Variants in IRF9 observed in about 807,000 individuals in gnomAD.
IRF9 encodes the protein interferon regulatory factor 9.
Under a neutral mutation model 44.1 loss-of-function variants are expected in IRF9, and 13 were observed. The ratio of observed to expected loss-of-function variants is 0.29; its 90% CI spans 0.19 to 0.47. The LOEUF is 0.47. Ranked by LOEUF, IRF9 falls within the 20% of genes least tolerant of loss-of-function variation. IRF9 has a pLI of 1.00. For missense variants in IRF9, 373 were observed against 496.1 expected, an observed-to-expected ratio of 0.75 and a Z score of 2.36; for synonymous variants, 189 against 188.5, an observed-to-expected ratio of 1.00 and a Z score of -0.02.
In IRF9 at chr14:24,163,492, A is replaced by G; in HGVS notation, c.479A>G (p.Gln160Arg). The G allele has an allele frequency of 6.2e-7, 1 of 1,614,184 alleles. No homozygotes were observed. Among genetic ancestry groups the G allele is most frequent in the Non-Finnish European group, 8.5e-7 (1 of 1,180,000 alleles). ...QNCTLSPSVL[Q>R]DSLNNEEEGA... is the part of the protein sequence containing the mutation. ...TGCACACTCAGTCCCTCTGTGCTCC[A>G]GGACTCCCTCAATAATGTAAGAGAT... Residue 160 changes from glutamine to arginine, a missense_variant, in exon 4 of 9, where the codon CAG (glutamine) becomes CGG (arginine). Around this residue, in one of 2 missense-constraint regions of IRF9, gnomAD observed 227 missense variants for 255.3 expected, o/e 0.89. Coordinates refer to ENST00000396864, the MANE Select transcript of IRF9 (RefSeq NM_006084.5).
At position 24,162,316 on chromosome 14, in the gene IRF9, T is replaced by G; in HGVS notation, c.172T>G (p.Phe58Val). 2 of 1,613,642 alleles carry G rather than the reference T, an allele frequency of 1.2e-6. No individual in the cohort carries two copies. The highest frequency in any genetic ancestry group is 8.5e-7 in the Non-Finnish European group (1 of 1,179,692). Residue 58 changes from phenylalanine (F) to valine (V), a missense_variant, in exon 2 of 9, where the codon TTC becomes GTC. Phe to Val is a conservative substitution (Grantham distance 50). Transcript: ENST00000396864. ...CTTCCGGGAGGACCAGGATGCTGCC[T>G]TCTTCAAGGTGAAAGGGCCTGGAAA... ...QDFREDQDAA[F>V]FKAWAIFKGK...
Position 24,164,216 on chromosome 14 carries a change from G to C in IRF9, c.649+82G>C. 8.3e-7 allele frequency: 1 copy of C among 1,199,088 alleles called. No homozygotes were observed. Among genetic ancestry groups the C allele is most frequent in the South Asian group, 1.2e-5 (1 of 81,222 alleles). 74.3% of individuals were successfully genotyped at this position (1,199,088 alleles called of 1,614,324 possible). ...TGACTATGCATGCATTATCTAGTCA[G>C]TCAGGGCTTACAGCAAACTGTACCC... On this transcript the variant is annotated intron_variant, in intron 6 of 8. Coordinates refer to ENST00000396864, the MANE Select transcript of IRF9 (RefSeq NM_006084.5). This position sits in a 1 kb window ranked among gnomAD's most constrained non-coding sequence, Gnocchi z 5.2.
intron 5 of IRF9, 27 bp downstream of exon 5, chr14:24,163,986 G>A (rs781318399): frequency 3.4e-5 from 55 of 1,608,540 alleles, no homozygotes; most frequent in East Asian, 4.5e-5. Flanking sequence ...CTCTTGTGTC[G>A]TCCCCCATGC....
Position 24,163,404 on chromosome 14 carries a change from T to G in IRF9, c.391T>G (p.Ser131Ala). The G allele has an allele frequency of 6.2e-7, 1 of 1,614,054 alleles. No individual in the cohort carries two copies. The change falls in exon 4 of 9, where the codon TCA becomes GCA. Residue 131 changes from serine to alanine, a missense_variant. This residue lies in a region of IRF9 where 227 missense variants were observed against 255.3 expected (regional missense o/e 0.89). Coordinates refer to ENST00000396864, the MANE Select transcript of IRF9 (RefSeq NM_006084.5). ...SGQPGTQKVP[S>A]KRQHSSVSSE... is the part of the protein sequence containing the mutation. ...CCAGCCAGGGACTCAGAAAGTACCA[T>G]CAAAGCGACAGCACAGTTCTGTGTC...
In IRF9 at chr14:24,166,256, A is replaced by G; in HGVS notation, c.*60A>G. 1 of 1,411,598 alleles carries G rather than the reference A, an allele frequency of 7.1e-7. No individual in the cohort carries two copies. The highest frequency in any genetic ancestry group is 2.3e-5 in the East Asian group (1 of 43,508). The allele number at this position is 1,411,598 out of a possible 1,614,324, so 87.4% of individuals were successfully genotyped here. Reference sequence around the variant, plus strand: ...GTTCTTCCTGTCTCCTTTGAAGTAGACTCATTCTTCACACGATTGACCTGT... The same window carrying G: ...GTTCTTCCTGTCTCCTTTGAAGTAGGCTCATTCTTCACACGATTGACCTGT... On this transcript the variant is annotated 3_prime_UTR_variant, in exon 9 of 9. Transcript: ENST00000396864.
chr14:24,164,344 C>T lies in IRF9; in HGVS notation c.649+210C>T, dbSNP rs983276418. 3.3e-5 allele frequency: 20 copies of T among 610,236 alleles called. No homozygotes were observed. In the South Asian group the frequency reaches 4.1e-4, roughly 13 times the overall value. 37.8% of individuals were successfully genotyped at this position (610,236 alleles called of 1,614,324 possible). On this transcript the variant is annotated intron_variant, in intron 6 of 8. Transcript: ENST00000396864. The surrounding 1 kb of genome is among the most constrained non-coding windows in gnomAD (Gnocchi z 5.2). ...TCCCAAAAATACCACCCTATACACT[C>T]TCCTGGAAATCTACATTGAGACATT...
intron 7 of IRF9, chr14:24,165,499 A>G: frequency 1.9e-6 from 1 of 531,754 alleles, no homozygotes; most frequent in South Asian, 2.1e-5. Context: ...TCCCAGGGCC[A>G]TGGGTGCCCT....
chr14:24,166,031 G>T, intron 8 of IRF9, 69 bp downstream of exon 8: 1 of 1,577,012 alleles, frequency 6.3e-7, no homozygotes, highest in Non-Finnish European at 8.7e-7. Flanking sequence ...AGGAGGCAAA[G>T]GGGGTCTCCC....
chr14:24,162,127 C>T lies in IRF9; in HGVS notation c.-1-17C>T. On this transcript the variant is annotated splice_polypyrimidine_tract_variant and intron_variant, in intron 1 of 8. Transcript: ENST00000396864. ...AAAGTGTCAGTTCTGATGCATCCTGCTCCTATTATCCCCCAGGATGGCATC... is the reference window on the plus strand; with the variant it reads ...AAAGTGTCAGTTCTGATGCATCCTGTTCCTATTATCCCCCAGGATGGCATC... 2 of 1,611,376 alleles carry T rather than the reference C, an allele frequency of 1.2e-6. No homozygotes were observed. Among genetic ancestry groups the T allele is most frequent in the South Asian group, 1.1e-5 (1 of 90,806 alleles).
chr14:24,164,218 C>A lies in IRF9; in HGVS notation c.649+84C>A. 2 of 1,146,708 alleles carry A rather than the reference C, an allele frequency of 1.7e-6. No homozygotes were observed. The highest frequency in any genetic ancestry group is 1.3e-5 in the South Asian group (1 of 79,366). 71.0% of individuals were successfully genotyped at this position (1,146,708 alleles called of 1,614,324 possible). On this transcript the variant is annotated intron_variant, in intron 6 of 8. Coordinates refer to ENST00000396864, the MANE Select transcript of IRF9 (RefSeq NM_006084.5). This position sits in a 1 kb window ranked among gnomAD's most constrained non-coding sequence, Gnocchi z 5.2. Reference sequence around the variant, plus strand: ...ACTATGCATGCATTATCTAGTCAGTCAGGGCTTACAGCAAACTGTACCCAC... The same window carrying A: ...ACTATGCATGCATTATCTAGTCAGTAAGGGCTTACAGCAAACTGTACCCAC...
Position 24,164,754 on chromosome 14 carries a change from C to G in IRF9, c.790C>G (p.Pro264Ala). 1 of 1,611,834 alleles carries G rather than the reference C, an allele frequency of 6.2e-7. No homozygotes were observed. ...GCAGGTGCTGTTCCCCAAGCCTGGC[C>G]CACTGGAGCCCACGCAGCGCCTGCT... ...MEQVLFPKPG[P>A]LEPTQRLLSQ... Residue 264 changes from proline to alanine, a missense_variant, in exon 7 of 9, where the codon CCA (proline) becomes GCA (alanine). Transcript: ENST00000396864. This position sits in a 1 kb window ranked among gnomAD's most constrained non-coding sequence, Gnocchi z 5.2.
At chr14:24,166,002 G>A (rs746544377) in intron 8 of IRF9, 40 bp downstream of exon 8, 1 of 1,590,174 alleles carries the variant, frequency 6.3e-7, no homozygotes, top group Non-Finnish European at 8.6e-7. Context: ...TCTAATGAGA[G>A]CAGAGACAGT....
intron 2 of IRF9, chr14:24,162,715 G>A (rs955793358): frequency 3.6e-5 from 17 of 472,538 alleles, no homozygotes; most frequent in East Asian, 1.5e-4. Context: ...CAGGAGAATC[G>A]CTTGAACCAG....
In IRF9 at chr14:24,164,017, T is replaced by C. The variant is rs746722420; in HGVS notation, c.578-46T>C. 1.2e-6 allele frequency: 2 copies of C among 1,612,322 alleles called. No individual in the cohort carries two copies. Among genetic ancestry groups the C allele is most frequent in the Middle Eastern group, 1.7e-4 (1 of 6,050 alleles). ...CATGCCACACCCTCTGGCCCAAGACTCCCCAGTCCCACTCTGAATGACCAG... is the reference window on the plus strand; with the variant it reads ...CATGCCACACCCTCTGGCCCAAGACCCCCCAGTCCCACTCTGAATGACCAG... On this transcript the variant is annotated intron_variant, in intron 5 of 8. Coordinates refer to ENST00000396864, the MANE Select transcript of IRF9 (RefSeq NM_006084.5). This position sits in a 1 kb window ranked among gnomAD's most constrained non-coding sequence, Gnocchi z 5.2.
In IRF9 at chr14:24,165,851, G is replaced by C; in HGVS notation, c.996G>C (p.Leu332Phe). 2 of 1,611,738 alleles carry C rather than the reference G, an allele frequency of 1.2e-6. No individual in the cohort carries two copies. The highest frequency in any genetic ancestry group is 1.7e-6 in the Non-Finnish European group (2 of 1,178,078). The change falls in exon 8 of 9, where the codon TTG (leucine) becomes TTC (phenylalanine). Residue 332 changes from leucine to phenylalanine, a missense_variant. Around this residue, in one of 2 missense-constraint regions of IRF9, gnomAD observed 146 missense variants for 240.8 expected, o/e 0.61. Transcript: ENST00000396864. ...CCTTGACCCTTTCTCTTTCAGACTT[G>C]GTCAGGTACTTTCAGGGCCTGGGCC... is the stretch of plus-strand genomic sequence containing the variant. ...LFRTAYFCRD[L>F]VRYFQGLGPP... is the part of the protein sequence containing the mutation.
Position 24,163,475 on chromosome 14 carries a change from C to G in IRF9, c.462C>G (p.Leu154=). Residue 154 remains leucine (L), a synonymous_variant, in exon 4 of 9, where the codon CTC becomes CTG. Transcript: ENST00000396864. ...EEEDAMQNCT[L]SPSVLQDSLN... ...AGGATGCCATGCAGAACTGCACACT[C>G]AGTCCCTCTGTGCTCCAGGACTCCC... 6.2e-7 allele frequency: 1 copy of G among 1,614,208 alleles called. No individual in the cohort carries two copies.
chr14:24,166,077 C>G lies in IRF9; in HGVS notation c.1108-45C>G, dbSNP rs569687677. The G allele has an allele frequency of 1.4e-5, 23 of 1,601,726 alleles. No individual in the cohort carries two copies. In the East Asian group the frequency reaches 2.0e-4, roughly 14 times the overall value. On this transcript the variant is annotated intron_variant, in intron 8 of 8. Transcript: ENST00000396864. ...GAGCTCCTGGGGGTGGTGTCTGTCCCTGATGCACGCACTGAGATGCTCTTC... is the reference window on the plus strand; with the variant it reads ...GAGCTCCTGGGGGTGGTGTCTGTCCGTGATGCACGCACTGAGATGCTCTTC...
At position 24,166,457 on chromosome 14, in the gene IRF9, A is replaced by G. The variant is rs1424717078; in HGVS notation, c.*261A>G. ...AGGAAATTCCAAATGGTGTGAACCC[A>G]GGGGGCCTTTCCCTCTTCCCTGACC... is the stretch of plus-strand genomic sequence containing the variant. On this transcript the variant is annotated 3_prime_UTR_variant, in exon 9 of 9. Transcript: ENST00000396864. The G allele has an allele frequency of 3.8e-6, 2 of 531,694 alleles. No individual in the cohort carries two copies. The highest frequency in any genetic ancestry group is 6.6e-6 in the Non-Finnish European group (2 of 302,652). The allele number at this position is 531,694 out of a possible 1,614,324, so 32.9% of individuals were successfully genotyped here.
intron 1 of IRF9, 95 bp from the exon 2 acceptor site, chr14:24,162,049 C>T: frequency 8.6e-7 from 1 of 1,156,208 alleles, no homozygotes; most frequent in African/African-American, 1.5e-5. Flanking sequence ...TCTCTGGGAC[C>T]TGTTGCCAGA....
Sources: gnomAD v4.1 joint callset for allele counts on GRCh38, gnomAD v4.1.1 for gene constraint, gnomAD v4.1.1 regional missense constraint, Gnocchi (gnomAD v3.1) non-coding constraint, MANE v1.5 for transcripts, NCBI Gene and HGNC (gene_info 2026-07-23, HGNC 2026-07-21) for gene names.